Variants in KHDRBS2 observed in about 807,000 individuals in gnomAD.
The protein encoded by KHDRBS2 is KH RNA binding domain containing, signal transduction associated 2.
KHDRBS2 carries 26 observed loss-of-function variants against 44.3 expected under a neutral mutation model. That is an observed-to-expected ratio of 0.59 (90% CI 0.43 to 0.81). KHDRBS2 has a LOEUF of 0.81. Among genes scored for constraint, KHDRBS2 ranks in the 40% least tolerant of loss-of-function variants. The pLI is 0.00. For synonymous variants in KHDRBS2, 194 were observed against 151.1 expected (o/e 1.28, Z -2.08); for missense variants, 476 against 433.1 (o/e 1.10, Z -0.88).
the KHDRBS2 span, among the ~76,000 whole-genome samples, chr6:61,572,039 TG>T: frequency 6.6e-6 from 1 of 152,052 alleles, no homozygotes; most frequent in Non-Finnish European, 1.5e-5. Flanking sequence ...GCTGGTTCTT[TG>T]AGAAGATATA....
intron 7 of KHDRBS2, among the ~76,000 whole-genome samples, chr6:61,718,339 T>C (rs1771786476): frequency 6.6e-6 from 1 of 152,126 alleles, no homozygotes; most frequent in Non-Finnish European, 1.5e-5. Context: ...ATAAATAAAA[T>C]ATACATTGTA....
rs377451247 is a variant in KHDRBS2, at chr6:62,135,457, A to G, written c.219+41728T>C. On this transcript the variant is annotated intron_variant, in intron 2 of 8. Transcript: ENST00000281156. ...AATGCAGCTGGTACAGCCATTATGG[A>G]AAACAGTATGGAGATTCCTAAAAAG... 4.6e-5 allele frequency among the ~76,000 whole-genome samples: 7 copies of G among 152,154 alleles called. No homozygotes were observed. In the East Asian group the frequency reaches 5.8e-4, roughly 13 times the overall value.
intron 2 of KHDRBS2, 50 bp from the exon 3 acceptor site, chr6:62,048,044 T>C (rs376589075): frequency 2.9e-6 from 3 of 1,044,698 alleles, no homozygotes; most frequent in South Asian, 2.5e-5. Context: ...AATAAAGTGA[T>C]TATTTGCACC....
chr6:62,274,080 T>C lies in KHDRBS2; in HGVS notation c.91+11778A>G, dbSNP rs369173652. On this transcript the variant is annotated intron_variant, in intron 1 of 8. Coordinates refer to ENST00000281156, the MANE Select transcript of KHDRBS2 (RefSeq NM_152688.4). ...TCTCCTGAGTAGCAGGGACTACAGGTGTGCGCCACCACACCTGGCTAATTT... is the reference window on the plus strand; with the variant it reads ...TCTCCTGAGTAGCAGGGACTACAGGCGTGCGCCACCACACCTGGCTAATTT... 2.0e-5 allele frequency among the ~76,000 whole-genome samples: 3 copies of C among 151,928 alleles called. No homozygotes were observed. The East Asian group carries it at 5.8e-4, about 29-fold the overall frequency.
chr6:61,738,745 A>T (rs1294528000), intron 6 of KHDRBS2, among the ~76,000 whole-genome samples: 1 of 151,900 alleles, frequency 6.6e-6, no homozygotes, highest in Admixed American at 6.6e-5. Flanking sequence ...TGTCTTTAAT[A>T]TTCCTACTAA....
intron 2 of KHDRBS2, among the ~76,000 whole-genome samples, chr6:62,061,559 G>C (rs1299567010): frequency 6.7e-6 from 1 of 149,562 alleles, no homozygotes; most frequent in Non-Finnish European, 1.5e-5. Context: ...AGTCTGATGG[G>C]CTTCCCTTTG....
chr6:61,557,408 A>G, the KHDRBS2 span, among the ~76,000 whole-genome samples: 1 of 152,222 alleles, frequency 6.6e-6, no homozygotes, highest in African/African-American at 2.4e-5. Context: ...CTCTCCTGCC[A>G]TGTCAGACAG....
chr6:62,226,124 C>T (rs1014075994), intron 1 of KHDRBS2, among the ~76,000 whole-genome samples: 11 of 152,174 alleles, frequency 7.2e-5, no homozygotes, highest in Non-Finnish European at 1.6e-4. Context: ...ATGTCTTCCA[C>T]AATGGTTGAA....
intron 2 of KHDRBS2, among the ~76,000 whole-genome samples, chr6:62,106,641 C>A (rs1765156645): frequency 1.3e-5 from 2 of 151,778 alleles, no homozygotes; most frequent in South Asian, 2.1e-4. Flanking sequence ...CAAAGCCGGG[C>A]AGAGACATTT....
chr6:61,921,964 T>G (rs1931807), intron 4 of KHDRBS2, among the ~76,000 whole-genome samples: 132,735 of 151,950 alleles, frequency 0.87, 58,488 homozygotes, highest in African/African-American at 0.97. Flanking sequence ...ACATAAAGAT[T>G]CTTTCTTTAG....
downstream of KHDRBS2, among the ~76,000 whole-genome samples, chr6:61,676,592 T>G (rs954222489): frequency 4.6e-5 from 7 of 151,862 alleles, no homozygotes; most frequent in Admixed American, 2.0e-4. Context: ...TGCCTTCCTG[T>G]GAAAGCAATT....
intron 2 of KHDRBS2, among the ~76,000 whole-genome samples, chr6:62,092,436 T>C (rs1399702485): frequency 6.6e-6 from 1 of 152,198 alleles, no homozygotes; most frequent in Non-Finnish European, 1.5e-5. Flanking sequence ...CGAATCAAAA[T>C]GTTACAAATA....
intron 6 of KHDRBS2, among the ~76,000 whole-genome samples, chr6:61,792,346 A>C (rs1481430500): frequency 6.6e-6 from 1 of 151,558 alleles, no homozygotes; most frequent in Non-Finnish European, 1.5e-5. Context: ...TTTCCTACAT[A>C]ATCAAATTTA....
the KHDRBS2 span, among the ~76,000 whole-genome samples, chr6:61,647,903 A>G: frequency 6.6e-6 from 1 of 152,172 alleles, no homozygotes; most frequent in Non-Finnish European, 1.5e-5. Context: ...TTGGTTTTCA[A>G]TGGCCAAATT....
intron 3 of KHDRBS2, among the ~76,000 whole-genome samples, chr6:62,026,988 A>G (rs1226301406): frequency 2.0e-5 from 3 of 151,010 alleles, no homozygotes; most frequent in East Asian, 1.9e-4. Flanking sequence ...TTTTATTCCA[A>G]TTATGGTTTT....
chr6:61,762,287 GAA>G (rs1779377240), intron 6 of KHDRBS2, among the ~76,000 whole-genome samples: 1 of 152,162 alleles, frequency 6.6e-6, no homozygotes, highest in Non-Finnish European at 1.5e-5. Context: ...TTTGACCTGG[GAA>G]GAGTCTACTG....
At chr6:62,182,336 G>C (rs896109285) in intron 1 of KHDRBS2, among the ~76,000 whole-genome samples, 4 of 151,986 alleles carry the variant, frequency 2.6e-5, no homozygotes, top group Non-Finnish European at 4.4e-5. Flanking sequence ...TGTTGGTTAA[G>C]AGATACAAAG....
At chr6:61,592,212 G>C in the KHDRBS2 span, among the ~76,000 whole-genome samples, 1 of 130,088 alleles carries the variant, frequency 7.7e-6, no homozygotes, top group Non-Finnish European at 1.6e-5. Flanking sequence ...AAAAAAAAAA[G>C]AGGAAAGAGA....
chr6:61,840,646 A>G (rs1327929248), intron 6 of KHDRBS2, among the ~76,000 whole-genome samples: 1 of 152,148 alleles, frequency 6.6e-6, no homozygotes, highest in Non-Finnish European at 1.5e-5. Flanking sequence ...GACATTTCTC[A>G]TTCAAGTGGC....
Sources: allele counts gnomAD v4.1 joint callset (sites outside exome capture counted in the v4.1 genomes callset), GRCh38; gene constraint gnomAD v4.1.1; transcripts MANE v1.5; gene names NCBI Gene and HGNC (gene_info 2026-07-23, HGNC 2026-07-21).